COL22A1: variants seen among roughly 807,000 people sequenced by gnomAD.
COL22A1 encodes the protein collagen alpha-1(XXII) chain.
COL22A1 carries 221 observed loss-of-function variants against 248.9 expected under a neutral mutation model. The observed-to-expected ratio is 0.89, with a 90% CI of 0.80 to 0.99. The LOEUF is 0.99. Among genes scored for constraint, COL22A1 ranks in the 50% least tolerant of loss-of-function variants. The probability of loss-of-function intolerance (pLI) is 0.00; values close to 1 mark genes in which losing one functional copy is unlikely to be tolerated. For missense variants in COL22A1, 2,240 were observed against 2,179.0 expected (o/e 1.03, Z -0.56); for synonymous variants, 891 against 793.4 (o/e 1.12, Z -2.07).
At chr8:138,785,417 A>T (rs1454095502) in intron 12 of COL22A1, among the ~76,000 whole-genome samples, 1 of 152,170 alleles carries the variant, frequency 6.6e-6, no homozygotes, top group African/African-American at 2.4e-5. Flanking sequence ...GGAATCAATG[A>T]TAGATTTTCC....
At chr8:138,872,491 GC>G (rs1425870606) in intron 3 of COL22A1, among the ~76,000 whole-genome samples, 1 of 152,156 alleles carries the variant, frequency 6.6e-6, no homozygotes, top group African/African-American at 2.4e-5. Flanking sequence ...GTAGGTGGAG[GC>G]CTTCTCGGCT....
intron 24 of COL22A1, among the ~76,000 whole-genome samples, 171 bp downstream of exon 24, chr8:138,725,216 C>T (rs577061118): frequency 1.5e-4 from 23 of 152,306 alleles, no homozygotes; most frequent in South Asian, 8.3e-4. Context: ...TTCCGAAGGT[C>T]GGAGAGTCCA....
intron 23 of COL22A1, among the ~76,000 whole-genome samples, chr8:138,731,786 C>T (rs1235563571): frequency 2.0e-5 from 3 of 152,140 alleles, no homozygotes; most frequent in African/African-American, 7.2e-5. Context: ...AACAGAGGCT[C>T]CACATCATCT....
At chr8:138,872,596 A>T (rs558676273) in intron 3 of COL22A1, among the ~76,000 whole-genome samples, 185 of 152,294 alleles carry the variant, frequency 1.2e-3, no homozygotes, top group African/African-American at 4.2e-3. Context: ...GGGTGGAGAA[A>T]ACTCTTAATT....
intron 30 of COL22A1, 113 bp downstream of exon 30, chr8:138,715,569 T>TA (rs397892001): frequency 2.9e-4 from 17 of 59,304 alleles, no homozygotes; most frequent in Middle Eastern, 5.6e-3. Context: ...ACTCTCATTT[T>TA]AAAAAAAAAA....
At chr8:138,751,635 G>T (rs572779014) in intron 21 of COL22A1, 124 bp from the exon 22 acceptor site, 154 of 556,820 alleles carry the variant, frequency 2.8e-4, no homozygotes, top group African/African-American at 2.6e-3. Context: ...CATTCTGATG[G>T]GGAAATTCGG....
In COL22A1 at chr8:138,719,668, G is replaced by A. The variant is rs73443079; in HGVS notation, c.2355+1071C>T. Among the ~76,000 whole-genome samples, 1,404 of 152,284 alleles carry A rather than the reference G, an allele frequency of 9.2e-3. 18 individuals are homozygous for A. Among genetic ancestry groups the A allele is most frequent in the African/African-American group, 0.03 (1,229 of 41,564 alleles). On this transcript the variant is annotated intron_variant, in intron 27 of 64. Coordinates refer to ENST00000303045, the MANE Select transcript of COL22A1 (RefSeq NM_152888.3). ...CCAGCACCTTCCCTGGCCAGCAAAC[G>A]GATGCCCTGAGGTATGCCCTCCCAC...
chr8:138,816,116 A>G (rs574393954), intron 7 of COL22A1, among the ~76,000 whole-genome samples: 11 of 152,274 alleles, frequency 7.2e-5, no homozygotes, highest in African/African-American at 1.9e-4. Context: ...TTCATTATCA[A>G]ACATACTCGC....
intron 1 of COL22A1, among the ~76,000 whole-genome samples, chr8:138,891,666 C>T (rs1341129306): frequency 1.3e-5 from 2 of 152,196 alleles, no homozygotes; most frequent in Non-Finnish European, 2.9e-5. Flanking sequence ...CCCAAACAAT[C>T]TAACCATAGG....
At chr8:138,655,782 G>T (rs1253798815) in intron 45 of COL22A1, 115 bp downstream of exon 45, 7 of 877,674 alleles carry the variant, frequency 8.0e-6, no homozygotes, top group Non-Finnish European at 1.3e-5. Context: ...TGGCGCTGCT[G>T]TTATCGTTAA....
intron 4 of COL22A1, among the ~76,000 whole-genome samples, chr8:138,841,467 A>G (rs540650284): frequency 2.2e-4 from 33 of 152,304 alleles, no homozygotes; most frequent in Non-Finnish European, 1.9e-4. Flanking sequence ...GGGGATGAAT[A>G]GGAGCTCACT....
intron 23 of COL22A1, 127 bp downstream of exon 23, chr8:138,737,397 T>G (rs1586610928): frequency 1.0e-4 from 73 of 701,566 alleles, no homozygotes; most frequent in Non-Finnish European, 2.6e-6. Flanking sequence ...CCACTGGCTG[T>G]TCTTTTTAAT....
At chr8:138,612,100 A>G (rs1310208322) in intron 56 of COL22A1, among the ~76,000 whole-genome samples, 1 of 150,096 alleles carries the variant, frequency 6.7e-6, no homozygotes, top group Admixed American at 6.6e-5. Flanking sequence ...CATATTGAAA[A>G]TATTTTAAAA....
At chr8:138,718,686 T>C (rs537728055) in intron 27 of COL22A1, among the ~76,000 whole-genome samples, 1 of 152,344 alleles carries the variant, frequency 6.6e-6, no homozygotes, top group East Asian at 1.9e-4. Flanking sequence ...CCAGGGCTCC[T>C]CTAGGACTAT....
At chr8:138,682,626 G>A (rs182826895) in intron 39 of COL22A1, among the ~76,000 whole-genome samples, 17 of 152,214 alleles carry the variant, frequency 1.1e-4, no homozygotes, top group Admixed American at 1.1e-3. Context: ...CTTTTTCCCT[G>A]TTAATTCCCC....
At chr8:138,894,383 T>G (rs1039469134) in intron 1 of COL22A1, among the ~76,000 whole-genome samples, 9 of 152,138 alleles carry the variant, frequency 5.9e-5, no homozygotes, top group African/African-American at 2.2e-4. Flanking sequence ...GGCAAAGTGG[T>G]CCAGCTGCAG....
At position 138,878,207 on chromosome 8, in the gene COL22A1, G is replaced by T; in HGVS notation, c.201C>A (p.Thr67=). 6.3e-7 allele frequency: 1 copy of T among 1,598,266 alleles called. No individual in the cohort carries two copies. Residue 67 remains threonine, a synonymous_variant, in exon 3 of 65, where the codon ACC becomes ACA. Transcript: ENST00000303045. ...GGGTGCGGTCGGGGCCCACCTCGAA[G>T]GTGTCCACCAGGTTGGCCACCCACT... ...VRQWVANLVD[T]FEVGPDRTRV... is the part of the protein sequence containing the mutation.
At chr8:138,877,239 A>G (rs1475624892) in intron 3 of COL22A1, among the ~76,000 whole-genome samples, 3 of 152,074 alleles carry the variant, frequency 2.0e-5, no homozygotes, top group Admixed American at 2.0e-4. Flanking sequence ...TGTCTAAATG[A>G]CTGACTCTGG....
Position 138,891,821 on chromosome 8 carries a change from CAAG to C in COL22A1, c.-72-8580_-72-8578del, listed in dbSNP as rs544570230. On this transcript the variant is annotated intron_variant, in intron 1 of 64. Transcript: ENST00000303045. ...ACCAAACTATGCGTCATCCAGTTTA[CAAG>C]AAGGAGAGGACAAGAGCATTGAAAG... Among the ~76,000 whole-genome samples, 10 of 152,272 alleles carry C rather than the reference CAAG, an allele frequency of 6.6e-5. No individual in the cohort carries two copies. In the South Asian group the frequency reaches 1.9e-3, roughly 28 times the overall value.
Sources: allele counts gnomAD v4.1 joint callset (sites outside exome capture counted in the v4.1 genomes callset), GRCh38; gene constraint gnomAD v4.1.1; transcripts MANE v1.5; gene names NCBI Gene and HGNC (gene_info 2026-07-23, HGNC 2026-07-21).